SPAG17: variants seen among roughly 807,000 people sequenced by gnomAD.
The protein encoded by SPAG17 is sperm-associated antigen 17.
Under a neutral mutation model 273.6 loss-of-function variants are expected in SPAG17, and 169 were observed. The observed-to-expected ratio is 0.62, with a 90% confidence interval of 0.55 to 0.70. The LOEUF is 0.70. Ranked by LOEUF, SPAG17 falls within the 30% of genes least tolerant of loss-of-function variation. SPAG17 has a pLI of 0.00. For synonymous variants in SPAG17, 825 were observed against 873.2 expected (o/e 0.94, Z 0.97); for missense variants, 2,557 against 2,627.8 (o/e 0.97, Z 0.59).
intron 3 of SPAG17, among the ~76,000 whole-genome samples, chr1:118,149,450 A>AG (rs1221851197): frequency 2.0e-5 from 3 of 152,186 alleles, no homozygotes; most frequent in Admixed American, 6.5e-5. Context: ...TCACAAGAAA[A>AG]ATTCCAGTAT....
At chr1:118,006,955 T>C (rs1399187573) in intron 31 of SPAG17, among the ~76,000 whole-genome samples, 1 of 152,228 alleles carries the variant, frequency 6.6e-6, no homozygotes, top group African/African-American at 2.4e-5. Flanking sequence ...GTTATTAGTC[T>C]TTTTATTGTT....
chr1:118,085,999 T>C lies in SPAG17; in HGVS notation c.1685A>G (p.Gln562Arg), dbSNP rs779896039. The C allele has an allele frequency of 5.0e-6, 8 of 1,613,772 alleles. No homozygotes were observed. The highest frequency in any genetic ancestry group is 5.9e-6 in the Non-Finnish European group (7 of 1,179,958). ...GTTCCATGGTGGGGGTAGAGGGAAT[T>C]GAAGAAATTCCCACAGTGGCAACTT... is the stretch of plus-strand genomic sequence containing the variant. Reference protein sequence around the residue: ...QSKLPLWEFLQFPLPPPWNNT... With the variant: ...QSKLPLWEFLRFPLPPPWNNT... Residue 562 changes from glutamine (Q) to arginine (R), a missense_variant, in exon 13 of 49, where the codon CAA (glutamine) becomes CGA (arginine). By Grantham distance (43) the Gln-to-Arg change is conservative. Transcript: ENST00000336338.
intron 4 of SPAG17, among the ~76,000 whole-genome samples, chr1:118,111,375 T>A (rs1181202936): frequency 6.6e-6 from 1 of 152,050 alleles, no homozygotes; most frequent in Non-Finnish European, 1.5e-5. Context: ...AAGAATTCCA[T>A]CCAGTTAGTG....
chr1:118,057,434 A>G (rs933524366), intron 18 of SPAG17, among the ~76,000 whole-genome samples: 2 of 152,132 alleles, frequency 1.3e-5, no homozygotes, highest in African/African-American at 2.4e-5. Flanking sequence ...CTCTGCTCAG[A>G]CCTTTTTAAT....
At chr1:118,019,378 G>A (rs1277419459) in intron 28 of SPAG17, among the ~76,000 whole-genome samples, 2 of 151,974 alleles carry the variant, frequency 1.3e-5, no homozygotes, top group East Asian at 3.9e-4. Flanking sequence ...TGCAGATTTA[G>A]CAGGAGACAA....
intron 47 of SPAG17, chr1:117,965,128 T>C (rs1653654226): frequency 6.6e-6 from 1 of 152,236 alleles, no homozygotes; most frequent in Admixed American, 6.5e-5. Flanking sequence ...GTTTCTGCTT[T>C]CTTAATACAG....
chr1:117,953,794 C>A lies in SPAG17; in HGVS notation c.*256G>T. Reference sequence around the variant, plus strand: ...TCAGAGTGTCTAGATATCATCCCACCTGAGTCCATGACACTCAGTCTCTTC... The same window carrying A: ...TCAGAGTGTCTAGATATCATCCCACATGAGTCCATGACACTCAGTCTCTTC... On this transcript the variant is annotated 3_prime_UTR_variant, in exon 49 of 49. Coordinates refer to ENST00000336338, the MANE Select transcript of SPAG17 (RefSeq NM_206996.4). 2 of 602,218 alleles carry A rather than the reference C, an allele frequency of 3.3e-6. No homozygotes were observed. Among genetic ancestry groups the A allele is most frequent in the Middle Eastern group, 4.4e-4 (1 of 2,282 alleles). 37.3% of individuals were successfully genotyped at this position (602,218 alleles called of 1,614,324 possible). A position where few individuals can be genotyped will look rare whatever the true frequency, so the allele number is the denominator to read the frequency against.
intron 1 of SPAG17, among the ~76,000 whole-genome samples, chr1:118,165,657 T>C (rs1308325435): frequency 6.8e-6 from 1 of 146,010 alleles, no homozygotes; most frequent in African/African-American, 2.5e-5. Flanking sequence ...TTTTTTTTTT[T>C]TTTTTTGAGA....
chr1:118,001,364 T>A lies in SPAG17; in HGVS notation c.4776+4050A>T, dbSNP rs1372961222. On this transcript the variant is annotated intron_variant, in intron 32 of 48. Transcript: ENST00000336338. The stretch of plus-strand genomic sequence containing the variant: ...CAAGTTAGGGAGGATTCCCTCTTTT[T>A]CTATTGATTGGAATAGTTTCAGAAG... Among the ~76,000 whole-genome samples, 8 of 152,348 alleles carry A rather than the reference T, an allele frequency of 5.3e-5. 1 individual carries two copies. In the East Asian group the frequency reaches 1.5e-3, roughly 29 times the overall value.
intron 48 of SPAG17, among the ~76,000 whole-genome samples, chr1:117,957,949 T>C (rs1023214604): frequency 6.6e-6 from 1 of 152,202 alleles, no homozygotes; most frequent in Non-Finnish European, 1.5e-5. Context: ...AAAGCAAATA[T>C]GTTCATTAGG....
chr1:118,063,967 C>T (rs1652653177), intron 18 of SPAG17, among the ~76,000 whole-genome samples: 1 of 151,970 alleles, frequency 6.6e-6, no homozygotes, highest in Non-Finnish European at 1.5e-5. Context: ...TTTATGCAGC[C>T]AAAAAACACA....
At chr1:118,115,513 G>A in intron 3 of SPAG17, 72 bp from the exon 4 acceptor site, 8 of 1,390,162 alleles carry the variant, frequency 5.8e-6, no homozygotes, top group South Asian at 1.5e-5. Flanking sequence ...GTGATGAAAA[G>A]ATGAAAGGAA....
chr1:117,979,661 T>C (rs1655548128), intron 43 of SPAG17, among the ~76,000 whole-genome samples: 1 of 152,198 alleles, frequency 6.6e-6, no homozygotes, highest in African/African-American at 2.4e-5. Flanking sequence ...CGCTGAGAAG[T>C]ACTACATGAT....
At chr1:118,113,966 TAA>T (rs1175538159) in intron 4 of SPAG17, among the ~76,000 whole-genome samples, 1 of 152,122 alleles carries the variant, frequency 6.6e-6, no homozygotes, top group Non-Finnish European at 1.5e-5. Flanking sequence ...TAATAAGTGG[TAA>T]ACAAGTAAAT....
chr1:117,979,144 C>T (rs964617979), intron 43 of SPAG17, among the ~76,000 whole-genome samples: 1 of 152,204 alleles, frequency 6.6e-6, no homozygotes, highest in African/African-American at 2.4e-5. Context: ...GCTGGGATTA[C>T]AGGCATGAGC....
intron 3 of SPAG17, among the ~76,000 whole-genome samples, chr1:118,149,135 G>C (rs1424047055): frequency 6.6e-6 from 1 of 152,136 alleles, no homozygotes; most frequent in African/African-American, 2.4e-5. Flanking sequence ...GAGTGTGGGA[G>C]GCTTATTGCC....
chr1:118,036,915 CAT>C, intron 23 of SPAG17, 32 bp from the exon 24 acceptor site: 1 of 1,426,518 alleles, frequency 7.0e-7, no homozygotes. Flanking sequence ...AGAACATTTT[CAT>C]TTAATTCAAA....
chr1:118,032,931 T>C (rs1224589807), intron 24 of SPAG17, among the ~76,000 whole-genome samples: 1 of 152,154 alleles, frequency 6.6e-6, no homozygotes, highest in Non-Finnish European at 1.5e-5. Context: ...GTTTATTATG[T>C]TCTCAATCCT....
intron 11 of SPAG17, 43 bp from the exon 12 acceptor site, chr1:118,086,827 A>G (rs748656593): frequency 5.0e-6 from 8 of 1,614,132 alleles, no homozygotes; most frequent in Admixed American, 3.3e-5. Flanking sequence ...GAGGATCTAT[A>G]CTTTTCCAAA....
Sources: allele counts gnomAD v4.1 joint callset (sites outside exome capture counted in the v4.1 genomes callset), GRCh38; gene constraint gnomAD v4.1.1; transcripts MANE v1.5; gene names NCBI Gene and HGNC (gene_info 2026-07-23, HGNC 2026-07-21).